The following TEX11 variants were observed in gnomAD, a reference collection of about 807,000 sequenced individuals.
TEX11 encodes testis expressed 11.
A neutral mutation model predicts 84.4 loss-of-function variants in TEX11; 7 were observed. The ratio of observed to expected loss-of-function variants is 0.08; its 90% CI spans 0.05 to 0.16. The LOEUF (loss-of-function observed/expected upper bound fraction) is 0.16. Ranked by LOEUF, TEX11 falls within the 10% of genes least tolerant of loss-of-function variation. TEX11 has a pLI of 1.00. For missense variants in TEX11, 551 were observed against 660.5 expected, an observed-to-expected ratio of 0.83 and a Z score of 1.82; for synonymous variants, 264 against 222.8, an observed-to-expected ratio of 1.18 and a Z score of -1.64.
chrX:70,517,177 A>C, the TEX11 span, among the ~76,000 whole-genome samples: 1 of 111,744 alleles, frequency 8.9e-6, no homozygotes, highest in African/African-American at 3.3e-5. Context: ...GACTGGTGAG[A>C]GAGGGCATCT....
chrX:70,720,773 A>AT (rs969142591), intron 13 of TEX11, among the ~76,000 whole-genome samples: 13 of 96,225 alleles, frequency 1.4e-4, no homozygotes, highest in East Asian at 6.4e-4. Flanking sequence ...ACATATATAT[A>AT]ATATATATAT....
chrX:70,644,470 C>A (rs2089712566), intron 17 of TEX11, among the ~76,000 whole-genome samples: 1 of 107,851 alleles, frequency 9.3e-6, no homozygotes, highest in Non-Finnish European at 1.9e-5. Context: ...GACACATGCA[C>A]ACGTACGTTT....
At chrX:70,582,961 G>A (rs932631734) in intron 25 of TEX11, among the ~76,000 whole-genome samples, 2 of 109,379 alleles carry the variant, frequency 1.8e-5, no homozygotes, top group African/African-American at 6.7e-5. Context: ...GGCCAGGCTG[G>A]TCTTGAACTC....
intron 17 of TEX11, among the ~76,000 whole-genome samples, chrX:70,638,026 T>C (rs1179601358): frequency 2.7e-5 from 3 of 109,810 alleles, no homozygotes; most frequent in Non-Finnish European, 3.8e-5. Flanking sequence ...ATCTGAATTA[T>C]AGGAGTTCAA....
chrX:70,883,302 A>C (rs937586336), intron 2 of TEX11, among the ~76,000 whole-genome samples: 1 of 111,754 alleles, frequency 8.9e-6, no homozygotes, highest in African/African-American at 3.3e-5. Context: ...TGCAGTCTAC[A>C]GCTGGGCAAA....
At chrX:70,865,741 C>G (rs770677325) in intron 4 of TEX11, among the ~76,000 whole-genome samples, 214 of 112,097 alleles carry the variant, frequency 1.9e-3, no homozygotes, top group Non-Finnish European at 3.2e-3. Flanking sequence ...GAAACTCACT[C>G]AAAACCGCAC....
intron 2 of TEX11, among the ~76,000 whole-genome samples, chrX:70,893,431 A>G (rs1246063930): frequency 8.9e-6 from 1 of 112,016 alleles, no homozygotes; most frequent in Admixed American, 9.6e-5. Flanking sequence ...TCAAAACCAC[A>G]CAACTATATG....
intron 25 of TEX11, among the ~76,000 whole-genome samples, chrX:70,560,404 C>A (rs1452898963): frequency 1.8e-5 from 2 of 111,189 alleles, no homozygotes; most frequent in African/African-American, 6.5e-5. Flanking sequence ...CCCACCTCAG[C>A]CTCCCAAAGT....
intron 13 of TEX11, among the ~76,000 whole-genome samples, chrX:70,717,818 T>G (rs1334622211): frequency 8.9e-6 from 1 of 111,990 alleles, no homozygotes; most frequent in African/African-American, 3.2e-5. Flanking sequence ...TGTAAAAAAA[T>G]CCACTGCCAG....
chrX:70,843,444 T>A (rs1452452152), intron 7 of TEX11, among the ~76,000 whole-genome samples: 2 of 111,824 alleles, frequency 1.8e-5, no homozygotes, highest in Non-Finnish European at 3.8e-5. Flanking sequence ...TTACACCTTA[T>A]ACAAAAATTA....
chrX:70,670,646 A>G, intron 15 of TEX11, 132 bp from the exon 16 acceptor site: 1 of 697,246 alleles, frequency 1.4e-6, no homozygotes, highest in South Asian at 3.8e-5. Flanking sequence ...TCCTTTATAT[A>G]GGGTTCTAAG....
chrX:70,889,120 TA>T (rs1274167319), intron 2 of TEX11, among the ~76,000 whole-genome samples: 2 of 110,379 alleles, frequency 1.8e-5, no homozygotes, highest in African/African-American at 6.6e-5. Flanking sequence ...TAATGAGCAA[TA>T]AAAAATCATC....
At chrX:70,706,088 G>A (rs1363815966) in intron 13 of TEX11, among the ~76,000 whole-genome samples, 1 of 111,541 alleles carries the variant, frequency 9.0e-6, no homozygotes, top group East Asian at 2.8e-4. Flanking sequence ...ACTGGATTAA[G>A]AAAATGTGGC....
chrX:70,887,364 A>G (rs1205530322), intron 2 of TEX11, among the ~76,000 whole-genome samples: 3 of 111,910 alleles, frequency 2.7e-5, no homozygotes, highest in African/African-American at 9.7e-5. Flanking sequence ...GATGAGTCCC[A>G]GGCCTGGAAG....
the TEX11 span, among the ~76,000 whole-genome samples, chrX:70,511,570 T>C: frequency 7.9e-4 from 84 of 105,741 alleles, 2 homozygotes; most frequent in African/African-American, 2.7e-3. Context: ...TTGGCCAACA[T>C]AGTGAAACCA....
At chrX:70,868,626 C>T (rs900401328) in intron 4 of TEX11, among the ~76,000 whole-genome samples, 1 of 111,315 alleles carries the variant, frequency 9.0e-6, no homozygotes, top group Non-Finnish European at 1.9e-5. Context: ...TGGAACCAAC[C>T]CAAATGCTCA....
intron 11 of TEX11, among the ~76,000 whole-genome samples, chrX:70,732,487 A>G (rs770661795): frequency 2.7e-5 from 3 of 111,784 alleles, no homozygotes; most frequent in African/African-American, 6.5e-5. Context: ...AAAAATCACA[A>G]GCATTCTTAT....
chrX:70,596,195 A>C (rs1275609825), intron 24 of TEX11, among the ~76,000 whole-genome samples: 1 of 111,689 alleles, frequency 9.0e-6, no homozygotes, highest in Non-Finnish European at 1.9e-5. Flanking sequence ...TTAGTTGGAG[A>C]CTTCAATAGC....
At chrX:70,734,462 A>C (rs1231335619) in intron 11 of TEX11, among the ~76,000 whole-genome samples, 1 of 111,659 alleles carries the variant, frequency 9.0e-6, no homozygotes, top group African/African-American at 3.3e-5. Context: ...CCAATTCAAC[A>C]TAAATTCTAT....
Sources: allele counts gnomAD v4.1 joint callset (sites outside exome capture counted in the v4.1 genomes callset), GRCh38; gene constraint gnomAD v4.1.1; transcripts MANE v1.5; gene names NCBI Gene and HGNC (gene_info 2026-07-23, HGNC 2026-07-21).